LAMA4: variants seen among roughly 807,000 people sequenced by gnomAD.
LAMA4 encodes laminin subunit alpha-4.
LAMA4 carries 127 observed loss-of-function variants against 207.1 expected under a neutral mutation model. That is an observed-to-expected ratio of 0.61 (90% CI 0.53 to 0.71). The LOEUF (loss-of-function observed/expected upper bound fraction) is 0.71. Ranked by LOEUF, LAMA4 falls within the 30% of genes least tolerant of loss-of-function variation. The pLI is 0.00. For synonymous variants in LAMA4, 761 were observed against 816.0 expected, an observed-to-expected ratio of 0.93 and a Z score of 1.15; for missense variants, 2,093 against 2,246.5, an observed-to-expected ratio of 0.93 and a Z score of 1.38.
chr6:112,139,666 G>T, intron 23 of LAMA4, 86 bp downstream of exon 23: 1 of 1,532,988 alleles, frequency 6.5e-7, no homozygotes, highest in South Asian at 1.1e-5. Flanking sequence ...AGAAAAGTTT[G>T]AGAACCTGAA....
At chr6:112,206,890 G>A in intron 4 of LAMA4, 131 bp downstream of exon 4, 2 of 1,046,972 alleles carry the variant, frequency 1.9e-6, no homozygotes, top group South Asian at 2.7e-5. Context: ...ATCTTTTCCA[G>A]TCTCATCTCA....
intron 29 of LAMA4, chr6:112,130,303 TGTGTG>T: frequency 5.1e-6 from 2 of 392,552 alleles, no homozygotes; most frequent in East Asian, 5.1e-5. Context: ...ATTATTTTTG[TGTGTG>T]TGTGTGTGTG....
chr6:112,210,937 C>T lies in LAMA4; in HGVS notation c.298-3792G>A, dbSNP rs541859141. On this transcript the variant is annotated intron_variant, in intron 3 of 38. Transcript: ENST00000230538. Reference sequence around the variant, plus strand: ...ATTTTTCAGTTTAAATTTCAAATGCCGTAAATATTGGTATATATAGTCCAC... The same window carrying T: ...ATTTTTCAGTTTAAATTTCAAATGCTGTAAATATTGGTATATATAGTCCAC... Among the ~76,000 whole-genome samples the T allele has an allele frequency of 5.9e-5, 9 of 151,880 alleles. No homozygotes were observed. In the South Asian group the frequency reaches 1.0e-3, roughly 18 times the overall value.
intron 4 of LAMA4, among the ~76,000 whole-genome samples, chr6:112,203,143 G>GT (rs1411361659): frequency 3.3e-5 from 5 of 152,178 alleles, no homozygotes; most frequent in African/African-American, 1.2e-4. Context: ...AGCATTAACT[G>GT]TTTATGTTTT....
rs201539541 is a variant in LAMA4, at chr6:112,175,486, A to G, written c.1190-6T>C. On this transcript the variant is annotated splice_region_variant and splice_polypyrimidine_tract_variant and intron_variant, in intron 10 of 38. Coordinates refer to ENST00000230538, the MANE Select transcript of LAMA4 (RefSeq NM_001105206.3). The stretch of plus-strand genomic sequence containing the variant: ...GAGCATCTTGTTGTTGATCTCTGAA[A>G]GGAAGAACATGGTGAAACAAGGCAG... 6.2e-7 allele frequency: 1 copy of G among 1,614,084 alleles called. No homozygotes were observed. Among genetic ancestry groups the G allele is most frequent in the Admixed American group, 1.7e-5 (1 of 60,028 alleles).
chr6:112,239,175 G>T (rs1562767947), intron 2 of LAMA4, among the ~76,000 whole-genome samples: 1 of 151,946 alleles, frequency 6.6e-6, no homozygotes, highest in Non-Finnish European at 1.5e-5. Flanking sequence ...ACAAAAATTA[G>T]CTGGGTGTGG....
chr6:112,252,792 C>T (rs1396497880), intron 2 of LAMA4, among the ~76,000 whole-genome samples: 15 of 152,276 alleles, frequency 9.9e-5, no homozygotes, highest in African/African-American at 3.6e-4. Context: ...CTGGCTTCTC[C>T]CCAAGTTTCT....
At chr6:112,252,719 C>T (rs1285787315) in intron 2 of LAMA4, among the ~76,000 whole-genome samples, 1 of 152,122 alleles carries the variant, frequency 6.6e-6, no homozygotes, top group Non-Finnish European at 1.5e-5. Context: ...TAATGCTTCC[C>T]TGGGGTTAAT....
At chr6:112,247,992 T>A (rs987374477) in intron 2 of LAMA4, among the ~76,000 whole-genome samples, 2 of 152,010 alleles carry the variant, frequency 1.3e-5, no homozygotes, top group Non-Finnish European at 2.9e-5. Flanking sequence ...CACAAAAGGA[T>A]AAGTACTGCA....
intron 11 of LAMA4, among the ~76,000 whole-genome samples, chr6:112,173,188 A>C (rs1405489454): frequency 6.6e-6 from 1 of 152,180 alleles, no homozygotes; most frequent in Non-Finnish European, 1.5e-5. Flanking sequence ...GTCGGTAATA[A>C]GGCAAAATGA....
chr6:112,163,783 G>T (rs1781225479), intron 13 of LAMA4, among the ~76,000 whole-genome samples: 1 of 152,058 alleles, frequency 6.6e-6, no homozygotes, highest in South Asian at 2.1e-4. Flanking sequence ...TTTTCTTTTT[G>T]ATATTTAAAA....
intron 38 of LAMA4, among the ~76,000 whole-genome samples, chr6:112,113,324 C>T (rs987239198): frequency 6.6e-6 from 1 of 152,178 alleles, no homozygotes; most frequent in East Asian, 1.9e-4. Context: ...TAAAAACTCC[C>T]CACCAAGTTC....
Position 112,178,245 on chromosome 6 carries a change from C to T in LAMA4, c.1078-13G>A, listed in dbSNP as rs1351713646. The stretch of plus-strand genomic sequence containing the variant: ...AGGCTTGATTTTCCTACAAATAATC[C>T]GTATAAAGGCTAGATTAAATGTATG... On this transcript the variant is annotated splice_polypyrimidine_tract_variant and intron_variant, in intron 9 of 38. Transcript: ENST00000230538. 7.0e-6 allele frequency: 11 copies of T among 1,561,888 alleles called. No homozygotes were observed. The Admixed American group carries it at 1.0e-4, about 14-fold the overall frequency.
chr6:112,163,730 T>G (rs1441039285), intron 13 of LAMA4, among the ~76,000 whole-genome samples: 1 of 152,104 alleles, frequency 6.6e-6, no homozygotes, highest in African/African-American at 2.4e-5. Context: ...GGGCAGAAGT[T>G]AGAGGGGATG....
chr6:112,248,574 C>T (rs1389511262), intron 2 of LAMA4, among the ~76,000 whole-genome samples: 2 of 151,612 alleles, frequency 1.3e-5, no homozygotes, highest in East Asian at 1.9e-4. Flanking sequence ...GAAAAGACTT[C>T]CTCTGGTTAA....
Position 112,158,719 on chromosome 6 carries a change from A to G in LAMA4, c.1817+13T>C. 1 of 1,611,146 alleles carries G rather than the reference A, an allele frequency of 6.2e-7. No homozygotes were observed. Among genetic ancestry groups the G allele is most frequent in the Non-Finnish European group, 8.5e-7 (1 of 1,177,470 alleles). On this transcript the variant is annotated intron_variant, in intron 14 of 38. Coordinates refer to ENST00000230538, the MANE Select transcript of LAMA4 (RefSeq NM_001105206.3). ...CCATGTAGATATTTGCATTTCTAAAACCAGGATATTACCTGCTCAATTCAT... is the reference window on the plus strand; with the variant it reads ...CCATGTAGATATTTGCATTTCTAAAGCCAGGATATTACCTGCTCAATTCAT...
chr6:112,111,973 T>TA (rs141050248), intron 38 of LAMA4, among the ~76,000 whole-genome samples: 3,574 of 152,266 alleles, frequency 0.023, 56 homozygotes, highest in Middle Eastern at 0.041. Flanking sequence ...GAAGGACAAA[T>TA]ACTCCAACTT....
At chr6:112,141,211 C>T (rs1029888087) in intron 21 of LAMA4, 147 bp downstream of exon 21, 54 of 881,244 alleles carry the variant, frequency 6.1e-5, no homozygotes, top group African/African-American at 4.6e-4. Flanking sequence ...TGGAAGAAAA[C>T]GGAGCAAGAA....
Position 112,142,116 on chromosome 6 carries a change from T to TA in LAMA4, c.2667+2dup, listed in dbSNP as rs782198222. 1.2e-6 allele frequency: 2 copies of TA among 1,613,990 alleles called. No individual in the cohort carries two copies. Among genetic ancestry groups the TA allele is most frequent in the South Asian group, 1.1e-5 (1 of 91,088 alleles). On this transcript the variant is annotated splice_region_variant and intron_variant, in intron 20 of 38. Transcript: ENST00000230538. ...TTCCCTCCTTTCAAACTCATGTGCT[T>TA]ACGTTTTTGCTTCCGAGGTACAGGA... is the stretch of plus-strand genomic sequence containing the variant.
Sources: allele counts gnomAD v4.1 joint callset (sites outside exome capture counted in the v4.1 genomes callset), GRCh38; gene constraint gnomAD v4.1.1; transcripts MANE v1.5; gene names NCBI Gene and HGNC (gene_info 2026-07-23, HGNC 2026-07-21).